TEX11: variants seen among roughly 807,000 people sequenced by gnomAD.
The protein encoded by TEX11 is testis-expressed protein 11.
A neutral mutation model predicts 84.4 loss-of-function variants in TEX11; 7 were observed. That is an observed-to-expected ratio of 0.08 (90% CI 0.05 to 0.16). The LOEUF is 0.16. Ranked by LOEUF, TEX11 falls within the 10% of genes least tolerant of loss-of-function variation. TEX11 has a pLI of 1.00. For synonymous variants in TEX11, 264 were observed against 222.8 expected (o/e 1.18, Z -1.64); for missense variants, 551 against 660.5 (o/e 0.83, Z 1.82).
intron 2 of TEX11, among the ~76,000 whole-genome samples, chrX:70,888,966 A>G (rs2091723932): frequency 9.0e-6 from 1 of 111,479 alleles, no homozygotes; most frequent in Non-Finnish European, 1.9e-5. Context: ...CTTTTACCCT[A>G]GAATAGTATA....
At position 70,853,333 on chromosome X, in the gene TEX11, A is replaced by G; in HGVS notation, c.325-5T>C. 8.6e-7 allele frequency: 1 copy of G among 1,167,271 alleles called. No individual in the cohort carries two copies. The highest frequency in any genetic ancestry group is 1.2e-6 in the Non-Finnish European group (1 of 860,743). On this transcript the variant is annotated splice_region_variant and splice_polypyrimidine_tract_variant and intron_variant, in intron 5 of 29. Transcript: ENST00000374333. ...TTTTCCTATTCTCATATTCATCTAG[A>G]AGAGAGAAATTAGAAAATAATTTTT... is the stretch of plus-strand genomic sequence containing the variant.
chrX:70,639,337 G>C (rs1306716644), intron 17 of TEX11, among the ~76,000 whole-genome samples: 1 of 111,914 alleles, frequency 8.9e-6, no homozygotes, highest in Non-Finnish European at 1.9e-5. Context: ...CAGTGAGGCT[G>C]GGGGAGGGGC....
intron 9 of TEX11, among the ~76,000 whole-genome samples, chrX:70,754,658 G>A (rs1465668786): frequency 9.0e-6 from 1 of 111,204 alleles, no homozygotes; most frequent in East Asian, 2.8e-4. Context: ...ACCCAGTGCT[G>A]TGCTGGCTTC....
At chrX:70,834,152 C>G (rs2091392089) in intron 7 of TEX11, among the ~76,000 whole-genome samples, 1 of 108,259 alleles carries the variant, frequency 9.2e-6, no homozygotes, top group South Asian at 4.1e-4. Flanking sequence ...AGATACCTCT[C>G]TACTCCTGCC....
intron 2 of TEX11, among the ~76,000 whole-genome samples, chrX:70,891,596 C>T (rs972274186): frequency 9.1e-6 from 1 of 110,387 alleles, no homozygotes; most frequent in African/African-American, 3.3e-5. Flanking sequence ...GCACAAGCTT[C>T]AATAGCCGAT....
intron 3 of TEX11, among the ~76,000 whole-genome samples, chrX:70,875,069 G>C (rs1015463321): frequency 3.6e-5 from 4 of 109,964 alleles, no homozygotes. Context: ...CCAGCTACTC[G>C]GGAGGCTGAG....
intron 24 of TEX11, among the ~76,000 whole-genome samples, chrX:70,592,658 G>A (rs989529854): frequency 6.3e-5 from 7 of 111,279 alleles, no homozygotes; most frequent in African/African-American, 2.3e-4. Flanking sequence ...AAGACTATCA[G>A]GGACTACAAC....
intron 9 of TEX11, among the ~76,000 whole-genome samples, chrX:70,772,854 C>T (rs1040084141): frequency 5.4e-5 from 6 of 110,195 alleles, no homozygotes; most frequent in East Asian, 2.9e-4. Context: ...AAACTAAAAA[C>T]GGCCATACAG....
At chrX:70,672,434 C>G (rs1382168310) in intron 15 of TEX11, among the ~76,000 whole-genome samples, 1 of 112,114 alleles carries the variant, frequency 8.9e-6, no homozygotes, top group Non-Finnish European at 1.9e-5. Context: ...AACTGCCAAA[C>G]TATTTTCCAA....
chrX:70,837,521 C>G (rs1172036649), intron 7 of TEX11, among the ~76,000 whole-genome samples: 1 of 110,855 alleles, frequency 9.0e-6, no homozygotes, highest in Non-Finnish European at 1.9e-5. Context: ...CGAGATCACG[C>G]CATTGCACTC....
intron 20 of TEX11, among the ~76,000 whole-genome samples, chrX:70,611,766 GA>G (rs1211996170): frequency 9.0e-6 from 1 of 110,984 alleles, no homozygotes; most frequent in African/African-American, 3.3e-5. Context: ...TAATGGGGGA[GA>G]AAAAAACCTG....
chrX:70,842,999 A>AAC (rs2091456299), intron 7 of TEX11, among the ~76,000 whole-genome samples: 1 of 112,098 alleles, frequency 8.9e-6, no homozygotes, highest in Admixed American at 9.5e-5. Context: ...CAAATGGAAG[A>AAC]ACATTCCATG....
At chrX:70,728,453 T>C (rs1010255133) in intron 11 of TEX11, among the ~76,000 whole-genome samples, 1 of 112,678 alleles carries the variant, frequency 8.9e-6, no homozygotes, top group Admixed American at 9.3e-5. Flanking sequence ...GAAAATCAGG[T>C]CACTCCCACC....
At chrX:70,681,472 A>C (rs188154858) in intron 14 of TEX11, among the ~76,000 whole-genome samples, 44 of 112,315 alleles carry the variant, frequency 3.9e-4, no homozygotes, top group African/African-American at 1.4e-3. Flanking sequence ...GAAAGTTCTT[A>C]AATTTTCTAA....
At chrX:70,729,443 C>T (rs964026453) in intron 11 of TEX11, among the ~76,000 whole-genome samples, 1 of 111,278 alleles carries the variant, frequency 9.0e-6, no homozygotes, top group African/African-American at 3.3e-5. Context: ...ACTAGAATAA[C>T]CAATACAGAG....
chrX:70,843,219 C>T (rs2147843888), intron 7 of TEX11, among the ~76,000 whole-genome samples: 1 of 111,916 alleles, frequency 8.9e-6, no homozygotes, highest in South Asian at 3.7e-4. Context: ...TGCTACCTGA[C>T]TTCAAACTAT....
chrX:70,881,005 C>CAAAAAAAAAAAAAAAAAAAAAAAAACAA (rs2091679949), intron 2 of TEX11, among the ~76,000 whole-genome samples: 1 of 46,246 alleles, frequency 2.2e-5, no homozygotes, highest in Non-Finnish European at 3.7e-5. Flanking sequence ...AGACATCATC[C>CAAAAAAAAAAAAAAAAAAAAAAAAACAA]AAAAAAAAAA....
chrX:70,747,473 A>T (rs940487934), intron 9 of TEX11, among the ~76,000 whole-genome samples: 1 of 112,576 alleles, frequency 8.9e-6, no homozygotes, highest in Admixed American at 9.4e-5. Flanking sequence ...GAGAAACTGT[A>T]TCTAGACTTG....
At chrX:70,564,094 T>A (rs1050739931) in intron 25 of TEX11, among the ~76,000 whole-genome samples, 1 of 111,714 alleles carries the variant, frequency 9.0e-6, no homozygotes, top group African/African-American at 3.3e-5. Context: ...CTGGGCGTGG[T>A]GGTGCATGCC....
Sources: allele counts gnomAD v4.1 joint callset (sites outside exome capture counted in the v4.1 genomes callset), GRCh38; gene constraint gnomAD v4.1.1; transcripts MANE v1.5; gene names NCBI Gene and HGNC (gene_info 2026-07-23, HGNC 2026-07-21).